The following C7 variants were observed in gnomAD, a reference collection of about 807,000 sequenced individuals.
C7 encodes the protein complement C7.
In C7, 83 loss-of-function variants were observed where a neutral mutation model predicts 104.8. The observed-to-expected ratio is 0.79, with a 90% CI of 0.66 to 0.95. The LOEUF is 0.95. Ranked by LOEUF, C7 falls within the 40% of genes least tolerant of loss-of-function variation. The pLI, the probability that C7 is intolerant of heterozygous loss-of-function variation, is 0.00. For missense variants in C7, 1,070 were observed against 1,011.2 expected (o/e 1.06, Z -0.79); for synonymous variants, 415 against 360.6 (o/e 1.15, Z -1.71).
At position 40,979,721 on chromosome 5, in the gene C7, T is replaced by C. The variant is rs1437087751; in HGVS notation, c.2166-4T>C. 2.6e-5 allele frequency: 41 copies of C among 1,602,216 alleles called. No homozygotes were observed. The highest frequency in any genetic ancestry group is 3.2e-5 in the Non-Finnish European group (38 of 1,174,160). ...TAAATAATGTCATTAAAAATTCTTT[T>C]CAGACCTTCCTTGGATGTATGTGCT... is the stretch of plus-strand genomic sequence containing the variant. On this transcript the variant is annotated splice_polypyrimidine_tract_variant and splice_region_variant and intron_variant, in intron 16 of 17. Coordinates refer to ENST00000313164, the MANE Select transcript of C7 (RefSeq NM_000587.4).
At chr5:40,918,295 G>C (rs2111616350) in intron 1 of C7, among the ~76,000 whole-genome samples, 1 of 151,878 alleles carries the variant, frequency 6.6e-6, no homozygotes, top group African/African-American at 2.4e-5. Context: ...GGGAGGTCGA[G>C]GGTGCAGTGA....
At position 40,965,648 on chromosome 5, in the gene C7, AT is replaced by A. The variant is rs1554043910; in HGVS notation, c.1882+785del. 8.6e-3 allele frequency among the ~76,000 whole-genome samples: 1,124 copies of A among 130,304 alleles called. 10 individuals are homozygous for A. Among genetic ancestry groups the A allele is most frequent in the African/African-American group, 0.034 (1,069 of 31,410 alleles). The allele number at this position is 130,304 out of a possible 152,430, so 85.5% of individuals were successfully genotyped here. On this transcript the variant is annotated intron_variant, in intron 14 of 17. Transcript: ENST00000313164. ...TAGTGATATATATATATATATATAT[AT>A]TTTTTTTTTGGAGACAGAGTCTCAC...
intron 6 of C7, among the ~76,000 whole-genome samples, chr5:40,940,991 C>A (rs1427454222): frequency 3.3e-5 from 5 of 151,178 alleles, no homozygotes; most frequent in African/African-American, 1.2e-4. Flanking sequence ...TATATCGTGT[C>A]TCATTCTATA....
chr5:40,954,901 A>AT (rs1423082776), intron 9 of C7: 1 of 291,406 alleles, frequency 3.4e-6, no homozygotes, highest in Non-Finnish European at 6.6e-6. Flanking sequence ...AAAAAAAAAA[A>AT]AAAAGAAAAC....
Position 40,981,696 on chromosome 5 carries a change from A to C in C7, c.*123A>C. Reference sequence around the variant, plus strand: ...TTCTCCAGTGTCTACCTTCCTCCTCAACTCCCAGCCATCTGTATAAACACA... The same window carrying C: ...TTCTCCAGTGTCTACCTTCCTCCTCCACTCCCAGCCATCTGTATAAACACA... On this transcript the variant is annotated 3_prime_UTR_variant, in exon 18 of 18. Coordinates refer to ENST00000313164, the MANE Select transcript of C7 (RefSeq NM_000587.4). 1 of 731,996 alleles carries C rather than the reference A, an allele frequency of 1.4e-6. No homozygotes were observed. The highest frequency in any genetic ancestry group is 2.2e-6 in the Non-Finnish European group (1 of 452,634). The allele number at this position is 731,996 out of a possible 1,614,324, so 45.3% of individuals were successfully genotyped here.
rs1275004372 is a variant in C7 at position 40,982,755 on chromosome 5, C to T, written c.*1182C>T. The T allele has an allele frequency of 6.6e-6, 1 of 152,278 alleles. No individual in the cohort carries two copies. Among genetic ancestry groups the T allele is most frequent in the Non-Finnish European group, 1.5e-5 (1 of 68,018 alleles). The allele number at this position is 152,278 out of a possible 1,614,324, so 9.4% of individuals were successfully genotyped here. On this transcript the variant is annotated 3_prime_UTR_variant, in exon 18 of 18. Coordinates refer to ENST00000313164, the MANE Select transcript of C7 (RefSeq NM_000587.4). ...TGAAGCATTGACCTTTTATTTATTC[C>T]TTATTTCTCTTTCATCAAAACAAAA...
intron 14 of C7, among the ~76,000 whole-genome samples, chr5:40,968,389 G>A (rs1025210133): frequency 2.0e-5 from 3 of 151,628 alleles, no homozygotes; most frequent in Admixed American, 6.6e-5. Context: ...GCCTCCCAAA[G>A]TGCTGGGACT....
At chr5:40,951,124 G>A (rs545980882) in intron 9 of C7, among the ~76,000 whole-genome samples, 3 of 152,242 alleles carry the variant, frequency 2.0e-5, no homozygotes, top group African/African-American at 7.2e-5. Flanking sequence ...GTGAAGATAA[G>A]GACCAAAAAA....
chr5:40,968,485 G>T (rs1279842544), intron 14 of C7, among the ~76,000 whole-genome samples: 1 of 141,916 alleles, frequency 7.0e-6, no homozygotes, highest in Admixed American at 7.5e-5. Flanking sequence ...GTATATTTCT[G>T]TATAATCTCC....
intron 17 of C7, 193 bp downstream of exon 17, chr5:40,980,102 G>T: frequency 2.5e-6 from 1 of 406,808 alleles, no homozygotes; most frequent in Admixed American, 4.3e-5. Context: ...AGACCTCAGA[G>T]GATAAGATTC....
chr5:40,978,872 A>C (rs1019606105), intron 16 of C7, among the ~76,000 whole-genome samples: 2 of 79,120 alleles, frequency 2.5e-5, no homozygotes, highest in Non-Finnish European at 5.5e-5. Context: ...ATTTTATGGA[A>C]ATTTTTTTTT....
At chr5:40,952,095 G>A (rs1466168296) in intron 9 of C7, among the ~76,000 whole-genome samples, 1 of 152,202 alleles carries the variant, frequency 6.6e-6, no homozygotes, top group South Asian at 2.1e-4. Context: ...CTTCAGTTGG[G>A]CTGGCAGTTG....
chr5:40,914,696 T>C (rs1006464670), intron 1 of C7, among the ~76,000 whole-genome samples: 24 of 152,140 alleles, frequency 1.6e-4, no homozygotes, highest in Non-Finnish European at 3.1e-4. Flanking sequence ...AGACATTCTA[T>C]GCAATATTAC....
chr5:40,976,297 C>A (rs1469526072), intron 15 of C7, among the ~76,000 whole-genome samples: 1 of 152,182 alleles, frequency 6.6e-6, no homozygotes, highest in African/African-American at 2.4e-5. Context: ...GTCCAAACAA[C>A]AAACAGTTTA....
At chr5:40,949,109 G>C (rs1740110576) in intron 8 of C7, among the ~76,000 whole-genome samples, 1 of 151,932 alleles carries the variant, frequency 6.6e-6, no homozygotes, top group African/African-American at 2.4e-5. Context: ...GCACTTAAAA[G>C]AAATGGAGAG....
intron 13 of C7, 113 bp from the exon 14 acceptor site, chr5:40,964,624 CAATT>C: frequency 3.6e-6 from 3 of 839,936 alleles, no homozygotes; most frequent in Non-Finnish European, 1.9e-6. Context: ...TTTTCTGAAT[CAATT>C]AAATGTAGCT....
chr5:40,981,392 C>G lies in C7; in HGVS notation c.2351C>G (p.Ala784Gly). The G allele has an allele frequency of 6.2e-7, 1 of 1,609,626 alleles. No individual in the cohort carries two copies. The highest frequency in any genetic ancestry group is 1.1e-5 in the South Asian group (1 of 89,950). The change falls in exon 18 of 18, where the codon GCT becomes GGT. Residue 784 changes from alanine (A) to glycine (G), a missense_variant and splice_region_variant. Ala to Gly is a moderately conservative substitution (Grantham distance 60). Transcript: ENST00000313164. Reference sequence around the variant, plus strand: ...AAGCCTCTTTCACTTACTTTTCCAGCTGAGAGCAGCAAATGTGTCTGCCGA... The same window carrying G: ...AAGCCTCTTTCACTTACTTTTCCAGGTGAGAGCAGCAAATGTGTCTGCCGA... ...GACPLWGKCD[A>G]ESSKCVCREA...
rs757696731 is a variant in C7 at position 40,937,616 on chromosome 5, T to G, written c.493T>G (p.Cys165Gly). Residue 165 changes from cysteine (C) to glycine (G), a missense_variant, in exon 6 of 18, where the codon TGT becomes GGT. By Grantham distance (159) the Cys-to-Gly change is radical. Transcript: ENST00000313164. ...VINTKSFGGQ[C>G]RKVFSGDGKD... ...CAATACCAAAAGTTTTGGTGGTCAA[T>G]GTAGAAAGGTGTTTAGTGGGGATGG... 6.2e-7 allele frequency: 1 copy of G among 1,612,710 alleles called. No homozygotes were observed. The highest frequency in any genetic ancestry group is 2.2e-5 in the East Asian group (1 of 44,806).
intron 3 of C7, 46 bp from the exon 4 acceptor site, chr5:40,934,279 A>G (rs1739758655): frequency 1.4e-6 from 2 of 1,462,868 alleles, no homozygotes. Flanking sequence ...GATTTCTTTG[A>G]AAACAAACAA....
Sources: gnomAD v4.1 joint callset for allele counts (sites outside exome capture counted in the v4.1 genomes callset) on GRCh38, gnomAD v4.1.1 for gene constraint, MANE v1.5 for transcripts, NCBI Gene and HGNC (gene_info 2026-07-23, HGNC 2026-07-21) for gene names.